Variants in CACNA2D1 observed in about 807,000 individuals in gnomAD.
The protein encoded by CACNA2D1 is voltage-dependent calcium channel subunit alpha-2/delta-1.
CACNA2D1 carries 53 observed loss-of-function variants against 171.5 expected under a neutral mutation model. The observed-to-expected ratio is 0.31, with a 90% CI of 0.25 to 0.39. The LOEUF (loss-of-function observed/expected upper bound fraction) is 0.39. CACNA2D1 is among the 10% of genes least tolerant of loss of function. The pLI, the probability that CACNA2D1 is intolerant of heterozygous loss-of-function variation, is 1.00. For synonymous variants in CACNA2D1, 442 were observed against 443.1 expected (o/e 1.00, Z 0.03); for missense variants, 903 against 1,299.8 (o/e 0.69, Z 4.69).
chr7:82,278,318 C>T (rs1323249991), intron 3 of CACNA2D1, among the ~76,000 whole-genome samples: 1 of 152,042 alleles, frequency 6.6e-6, no homozygotes, highest in Non-Finnish European at 1.5e-5. Context: ...GTGGCTCATG[C>T]CTGTAATCCC....
At chr7:82,396,119 G>T (rs1380348503) in intron 1 of CACNA2D1, among the ~76,000 whole-genome samples, 1 of 152,002 alleles carries the variant, frequency 6.6e-6, no homozygotes, top group Non-Finnish European at 1.5e-5. Flanking sequence ...CAACCTCAAG[G>T]TTTAGTAGCC....
chr7:82,108,128 C>G (rs770445027), intron 6 of CACNA2D1, among the ~76,000 whole-genome samples: 1 of 152,108 alleles, frequency 6.6e-6, no homozygotes, highest in Non-Finnish European at 1.5e-5. Context: ...ATGCCCATTT[C>G]TTAATATACA....
chr7:82,113,321 A>C lies in CACNA2D1; in HGVS notation c.526+3723T>G, dbSNP rs564530836. ...TAATAAAGTTCTGAGATTAAAAACAAATTAACTCAGAATATTCAGCCCTTG... is the reference window on the plus strand; with the variant it reads ...TAATAAAGTTCTGAGATTAAAAACACATTAACTCAGAATATTCAGCCCTTG... On this transcript the variant is annotated intron_variant, in intron 6 of 38. Coordinates refer to ENST00000356860, the MANE Select transcript of CACNA2D1 (RefSeq NM_000722.4). Among the ~76,000 whole-genome samples, 4 of 152,298 alleles carry C rather than the reference A, an allele frequency of 2.6e-5. No homozygotes were observed. In the South Asian group the frequency reaches 8.3e-4, roughly 32 times the overall value.
At chr7:82,214,811 T>A (rs1800936106) in intron 3 of CACNA2D1, among the ~76,000 whole-genome samples, 1 of 152,178 alleles carries the variant, frequency 6.6e-6, no homozygotes, top group Admixed American at 6.5e-5. Context: ...TGACCAAAAA[T>A]AATTTACAAA....
intron 4 of CACNA2D1, among the ~76,000 whole-genome samples, chr7:82,159,071 G>T (rs1427158611): frequency 2.6e-5 from 4 of 151,774 alleles, no homozygotes; most frequent in Non-Finnish European, 4.4e-5. Context: ...ATTTAGAATA[G>T]CTAGCAGGTA....
At chr7:82,188,806 G>A (rs1798014262) in intron 3 of CACNA2D1, among the ~76,000 whole-genome samples, 1 of 152,062 alleles carries the variant, frequency 6.6e-6, no homozygotes, top group African/African-American at 2.4e-5. Context: ...AGAAAATGTG[G>A]TACATGTATA....
chr7:82,416,769 G>A (rs539832171), intron 1 of CACNA2D1, among the ~76,000 whole-genome samples: 20 of 152,286 alleles, frequency 1.3e-4, no homozygotes, highest in Non-Finnish European at 2.5e-4. Flanking sequence ...GTCACATTCT[G>A]AAGTACTGGG....
chr7:82,349,944 T>G (rs1819660821), intron 1 of CACNA2D1, among the ~76,000 whole-genome samples: 1 of 152,194 alleles, frequency 6.6e-6, no homozygotes, highest in African/African-American at 2.4e-5. Context: ...TAAAATTCCA[T>G]TAAATAGCTA....
At chr7:82,325,171 T>C (rs1816495832) in intron 3 of CACNA2D1, among the ~76,000 whole-genome samples, 1 of 152,192 alleles carries the variant, frequency 6.6e-6, no homozygotes, top group African/African-American at 2.4e-5. Context: ...TAAATGTAAG[T>C]AGGTGCCTTA....
intron 3 of CACNA2D1, among the ~76,000 whole-genome samples, chr7:82,274,144 A>C (rs1809011667): frequency 6.6e-6 from 1 of 152,030 alleles, no homozygotes; most frequent in Admixed American, 6.6e-5. Flanking sequence ...GAGCCTGCGC[A>C]CTAACCCCTC....
At chr7:82,006,625 A>T (rs1799146921) in intron 16 of CACNA2D1, among the ~76,000 whole-genome samples, 5 of 152,160 alleles carry the variant, frequency 3.3e-5, no homozygotes, top group Non-Finnish European at 7.4e-5. Flanking sequence ...TTGTATCAAC[A>T]ACTATGCTCT....
rs1319046527 is a variant in CACNA2D1 at position 82,111,364 on chromosome 7, GTA to G, written c.526+5678_526+5679del. Among the ~76,000 whole-genome samples the G allele has an allele frequency of 3.7e-4, 39 of 105,472 alleles. 1 individual carries two copies. Among genetic ancestry groups the G allele is most frequent in the Admixed American group, 2.1e-3 (20 of 9,446 alleles). 69.2% of individuals were successfully genotyped at this position (105,472 alleles called of 152,430 possible). A position where few individuals can be genotyped will look rare whatever the true frequency, so the allele number is the denominator to read the frequency against. The stretch of plus-strand genomic sequence containing the variant: ...TATATTCATATATATGTGTATATAT[GTA>G]TATATATATTCATATATGTGTATAT... On this transcript the variant is annotated intron_variant, in intron 6 of 38. Transcript: ENST00000356860.
chr7:82,200,429 T>C (rs866856403), intron 3 of CACNA2D1, among the ~76,000 whole-genome samples: 1 of 152,118 alleles, frequency 6.6e-6, no homozygotes, highest in Non-Finnish European at 1.5e-5. Context: ...GTAATACGCA[T>C]ATATTTTTAC....
At chr7:82,430,043 G>A (rs1829540225) in intron 1 of CACNA2D1, among the ~76,000 whole-genome samples, 1 of 152,034 alleles carries the variant, frequency 6.6e-6, no homozygotes, top group Admixed American at 6.6e-5. Flanking sequence ...AAGACAGGGT[G>A]GTATTTTTAA....
chr7:82,398,172 G>C lies in CACNA2D1; in HGVS notation c.95+45193C>G, dbSNP rs182890134. Among the ~76,000 whole-genome samples, 8 of 152,312 alleles carry C rather than the reference G, an allele frequency of 5.3e-5. No homozygotes were observed. In the East Asian group the frequency reaches 5.8e-4, roughly 11 times the overall value. On this transcript the variant is annotated intron_variant, in intron 1 of 38. Coordinates refer to ENST00000356860, the MANE Select transcript of CACNA2D1 (RefSeq NM_000722.4). ...AAGAAGGAAGGGCTCAATAGCCTTA[G>C]AGCCCCAGTCCTAACATTTAGGGGA... is the stretch of plus-strand genomic sequence containing the variant.
chr7:82,185,166 A>G (rs1259170779), intron 3 of CACNA2D1, among the ~76,000 whole-genome samples: 1 of 152,064 alleles, frequency 6.6e-6, no homozygotes, highest in Non-Finnish European at 1.5e-5. Context: ...ATACCTATGG[A>G]TATGTGTCAA....
chr7:81,954,704 A>G lies in CACNA2D1; in HGVS notation c.3160-4196T>C, dbSNP rs143894343. Among the ~76,000 whole-genome samples, 499 of 152,234 alleles carry G rather than the reference A, an allele frequency of 3.3e-3. 6 individuals carry two copies. The highest frequency in any genetic ancestry group is 0.011 in the African/African-American group (470 of 41,554). On this transcript the variant is annotated intron_variant, in intron 38 of 38. Transcript: ENST00000356860. Reference sequence around the variant, plus strand: ...TTTTTGATCTTTTTTTCTGAATTATAGCCATCATTTAATTTCCTTCAAAAT... The same window carrying G: ...TTTTTGATCTTTTTTTCTGAATTATGGCCATCATTTAATTTCCTTCAAAAT...
intron 3 of CACNA2D1, among the ~76,000 whole-genome samples, chr7:82,185,054 C>T (rs541479183): frequency 3.9e-5 from 6 of 152,250 alleles, no homozygotes; most frequent in East Asian, 1.9e-4. Context: ...TGTCTCTACC[C>T]TACCTGATGA....
chr7:82,143,330 T>C (rs1028744514), intron 4 of CACNA2D1, among the ~76,000 whole-genome samples: 1 of 152,256 alleles, frequency 6.6e-6, no homozygotes, highest in East Asian at 1.9e-4. Context: ...TTAAGTACAG[T>C]GCATGGCACA....
Sources: allele counts gnomAD v4.1 joint callset (sites outside exome capture counted in the v4.1 genomes callset), GRCh38; gene constraint gnomAD v4.1.1; transcripts MANE v1.5; gene names NCBI Gene and HGNC (gene_info 2026-07-23, HGNC 2026-07-21).